GML: variants seen among roughly 807,000 people sequenced by gnomAD.
GML encodes the protein glycosyl-phosphatidylinositol-anchored molecule-like protein.
In GML, 5 loss-of-function variants were observed where a neutral mutation model predicts 8.2. That is an observed-to-expected ratio of 0.61 (90% CI 0.32 to 1.28). GML has a LOEUF of 1.28. Among genes scored for constraint, GML ranks in the 50% most tolerant of loss-of-function variants. GML has a pLI of 0.06. For missense variants in GML, 191 were observed against 198.3 expected (o/e 0.96, Z 0.22); for synonymous variants, 72 against 69.0 (o/e 1.04, Z -0.22).
At chr8:142,846,346 A>G in intron 3 of GML, 49 bp from the exon 4 acceptor site, 1 of 1,256,518 alleles carries the variant, frequency 8.0e-7, no homozygotes, top group South Asian at 1.3e-5. Flanking sequence ...CAATATTTAC[A>G]AGCAGAAAAT....
intron 1 of GML, 95 bp from the exon 2 acceptor site, chr8:142,840,321 T>C (rs1224922915): frequency 5.3e-6 from 4 of 748,826 alleles, no homozygotes; most frequent in Non-Finnish European, 9.5e-6. Flanking sequence ...GTGGGCAGAG[T>C]CAGGGAGACT....
At chr8:142,839,091 T>C (rs1486900347) in intron 1 of GML, among the ~76,000 whole-genome samples, 4 of 152,146 alleles carry the variant, frequency 2.6e-5, no homozygotes, top group Non-Finnish European at 4.4e-5. Flanking sequence ...GAGCCCAGCT[T>C]TGGGAGCAAG....
intron 2 of GML, among the ~76,000 whole-genome samples, chr8:142,840,746 T>C (rs2717570): frequency 0.98 from 149,203 of 152,224 alleles, 73,199 homozygotes; most frequent in Middle Eastern, 1. Flanking sequence ...GTGGCCCTTC[T>C]CCATCAGCGC....
chr8:142,835,974 A>G (rs1816337068), intron 1 of GML, among the ~76,000 whole-genome samples: 1 of 151,520 alleles, frequency 6.6e-6, no homozygotes, highest in African/African-American at 2.4e-5. Context: ...AGATATTCCT[A>G]CTCTTTTTGT....
intron 3 of GML, among the ~76,000 whole-genome samples, chr8:142,842,340 A>T (rs1430148447): frequency 6.6e-6 from 1 of 152,188 alleles, no homozygotes; most frequent in African/African-American, 2.4e-5. Context: ...AGAGACTCAT[A>T]CACACCTCTT....
At position 142,841,205 on chromosome 8, in the gene GML, G is replaced by A. The variant is rs144676176; in HGVS notation, c.161G>A (p.Arg54His). 48 of 1,508,270 alleles carry A rather than the reference G, an allele frequency of 3.2e-5. 1 individual carries two copies. The Admixed American group carries it at 4.3e-4, about 14-fold the overall frequency. The allele number at this position is 1,508,270 out of a possible 1,614,324, so 93.4% of individuals were successfully genotyped here. ...NIRVCPYHIRRCMTISIRINS... is the reference protein window; with the variant it reads ...NIRVCPYHIRHCMTISIRINS... ...AGAGTATGTCCGTATCATATTAGGC[G>A]CTGTATGACAATCTCCATTCGTAAG... The change falls in exon 3 of 4, where the codon CGC becomes CAC. Residue 54 changes from arginine (R) to histidine (H), a missense_variant. Coordinates refer to ENST00000220940, the MANE Select transcript of GML (RefSeq NM_002066.3).
At chr8:142,842,670 T>C (rs1305248458) in intron 3 of GML, among the ~76,000 whole-genome samples, 1 of 152,246 alleles carries the variant, frequency 6.6e-6, no homozygotes, top group Non-Finnish European at 1.5e-5. Context: ...TTCTCCACTT[T>C]TGAGCCTTTG....
chr8:142,844,068 G>GAGGA (rs1243551825), intron 3 of GML, among the ~76,000 whole-genome samples: 2 of 71,632 alleles, frequency 2.8e-5, no homozygotes, highest in Non-Finnish European at 5.5e-5. Context: ...CTTGTGCTCT[G>GAGGA]AACTATCAAA....
At chr8:142,838,799 A>G (rs191093710) in intron 1 of GML, among the ~76,000 whole-genome samples, 5 of 152,218 alleles carry the variant, frequency 3.3e-5, no homozygotes, top group African/African-American at 1.2e-4. Context: ...CTCTTCTACT[A>G]CAAAATCCTA....
intron 1 of GML, among the ~76,000 whole-genome samples, chr8:142,837,167 G>A (rs3753119): frequency 0.041 from 6,175 of 152,050 alleles, 189 homozygotes; most frequent in Admixed American, 0.093. Flanking sequence ...AGTGGCGTGC[G>A]CCCATAGTCC....
chr8:142,842,471 C>A (rs983461874), intron 3 of GML, among the ~76,000 whole-genome samples: 1 of 152,162 alleles, frequency 6.6e-6, no homozygotes, highest in Admixed American at 6.5e-5. Flanking sequence ...ATTACTGCCT[C>A]TAAATGAGGC....
At chr8:142,845,897 C>T (rs1230250316) in intron 3 of GML, among the ~76,000 whole-genome samples, 2 of 152,196 alleles carry the variant, frequency 1.3e-5, no homozygotes, top group African/African-American at 4.8e-5. Flanking sequence ...GAGACTGAAA[C>T]ACCAGGCTGA....
intron 2 of GML, among the ~76,000 whole-genome samples, 186 bp from the exon 3 acceptor site, chr8:142,840,932 G>A (rs1816422570): frequency 6.6e-6 from 1 of 152,180 alleles, no homozygotes; most frequent in South Asian, 2.1e-4. Flanking sequence ...CTTGTGCCTG[G>A]CCTCCCTCCC....
intron 2 of GML, 146 bp from the exon 3 acceptor site, chr8:142,840,972 C>T: frequency 1.6e-6 from 1 of 617,650 alleles, no homozygotes. Context: ...ACTCAGACTG[C>T]ATAGAGAGCT....
rs904030348 is a variant in GML at position 142,840,297 on chromosome 8, G to A, written c.-22-119G>A. On this transcript the variant is annotated intron_variant, in intron 1 of 3. Coordinates refer to ENST00000220940, the MANE Select transcript of GML (RefSeq NM_002066.3). Reference sequence around the variant, plus strand: ...TACCCGAGGAGCTACTGGCCCAGTGGGGGAGGCATTCAGGTGGGCAGAGTC... The same window carrying A: ...TACCCGAGGAGCTACTGGCCCAGTGAGGGAGGCATTCAGGTGGGCAGAGTC... The A allele has an allele frequency of 2.6e-5, 17 of 655,326 alleles. No individual in the cohort carries two copies. In the African/African-American group the frequency reaches 2.7e-4, roughly 10 times the overall value. The allele number at this position is 655,326 out of a possible 1,614,324, so 40.6% of individuals were successfully genotyped here. A position where few individuals can be genotyped will look rare whatever the true frequency, so the allele number is the denominator to read the frequency against.
intron 3 of GML, among the ~76,000 whole-genome samples, chr8:142,841,518 T>C (rs919171303): frequency 1.3e-5 from 2 of 152,202 alleles, no homozygotes; most frequent in Non-Finnish European, 1.5e-5. Flanking sequence ...CTGTCCCTGG[T>C]TGTGTGTGTA....
chr8:142,840,509 G>C lies in GML; in HGVS notation c.72G>C (p.Gln24His). The C allele has an allele frequency of 6.2e-7, 1 of 1,603,564 alleles. No homozygotes were observed. Among genetic ancestry groups the C allele is most frequent in the Non-Finnish European group, 8.5e-7 (1 of 1,170,326 alleles). The change falls in exon 2 of 4, where the codon CAG (glutamine) becomes CAC (histidine). Residue 24 changes from glutamine (Q) to histidine (H), a missense_variant and splice_region_variant. Physicochemically the swap from Gln to His is conservative, Grantham distance 24. Transcript: ENST00000220940. ...LVAASATMRA[Q>H]WTYSLRCHDC... ...CAGCCAGTGCCACCATGCGCGCTCAGTGTAAGTATCATTCCCTCTCACTGT... is the reference window on the plus strand; with the variant it reads ...CAGCCAGTGCCACCATGCGCGCTCACTGTAAGTATCATTCCCTCTCACTGT...
At chr8:142,845,348 C>T (rs1362335690) in intron 3 of GML, among the ~76,000 whole-genome samples, 2 of 152,214 alleles carry the variant, frequency 1.3e-5, no homozygotes, top group African/African-American at 4.8e-5. Flanking sequence ...TCTGATGCTG[C>T]ATGCTGAGTA....
chr8:142,846,038 G>C (rs147791169), intron 3 of GML, among the ~76,000 whole-genome samples: 116 of 152,280 alleles, frequency 7.6e-4, no homozygotes, highest in Middle Eastern at 3.4e-3. Context: ...CATGATTTCT[G>C]GTCTGCATTT....
Sources: gnomAD v4.1 joint callset for allele counts (sites outside exome capture counted in the v4.1 genomes callset) on GRCh38, gnomAD v4.1.1 for gene constraint, MANE v1.5 for transcripts, NCBI Gene and HGNC (gene_info 2026-07-23, HGNC 2026-07-21) for gene names.